ADRA1A: variants seen among roughly 807,000 people sequenced by gnomAD.
ADRA1A encodes adrenoceptor alpha 1A.
ADRA1A carries 31 observed loss-of-function variants against 29.6 expected under a neutral mutation model. The observed-to-expected ratio is 1.05, with a 90% CI of 0.79 to 1.41. The LOEUF (loss-of-function observed/expected upper bound fraction) is 1.41, where lower values mean the gene tolerates loss of function less well. Ranked by LOEUF, ADRA1A falls within the 40% of genes most tolerant of loss-of-function variation. The probability of loss-of-function intolerance (pLI) is 0.00; values close to 1 mark genes in which losing one functional copy is unlikely to be tolerated. For missense variants in ADRA1A, 619 were observed against 601.1 expected (o/e 1.03, Z -0.31); for synonymous variants, 311 against 254.3 (o/e 1.22, Z -2.12).
chr8:26,801,281 A>G (rs1475224323), intron 2 of ADRA1A, among the ~76,000 whole-genome samples: 1 of 152,176 alleles, frequency 6.6e-6, no homozygotes, highest in African/African-American at 2.4e-5. Context: ...AACTAGATCA[A>G]TCAGACAAGA....
Position 26,865,005 on chromosome 8 carries a change from A to G in ADRA1A, c.-36T>C. The G allele has an allele frequency of 6.5e-7, 1 of 1,549,400 alleles. No individual in the cohort carries two copies. The highest frequency in any genetic ancestry group is 8.7e-7 in the Non-Finnish European group (1 of 1,154,408). Reference sequence around the variant, plus strand: ...GGGGCCGGGCGAGGTCCGGCTGTCCAGGGCCACCTCCCGGGCTGGCGCGGA... The same window carrying G: ...GGGGCCGGGCGAGGTCCGGCTGTCCGGGGCCACCTCCCGGGCTGGCGCGGA... On this transcript the variant is annotated 5_prime_UTR_variant, in exon 2 of 3. Transcript: ENST00000380573. The surrounding 1 kb of genome is among the most constrained non-coding windows in gnomAD (Gnocchi z 7.6).
chr8:26,801,353 G>A (rs1404728620), intron 2 of ADRA1A, among the ~76,000 whole-genome samples: 3 of 152,202 alleles, frequency 2.0e-5, no homozygotes, highest in Non-Finnish European at 4.4e-5. Flanking sequence ...GTTTGCAGAT[G>A]ATATAATCTT....
intron 2 of ADRA1A, chr8:26,772,226 C>G (rs1203981042): frequency 6.6e-6 from 1 of 150,550 alleles, no homozygotes; most frequent in African/African-American, 2.4e-5. Context: ...AGCTACAATA[C>G]TGATAAGAGT....
chr8:26,749,873 C>T (rs1409470847), intron 2 of ADRA1A, among the ~76,000 whole-genome samples: 2 of 152,306 alleles, frequency 1.3e-5, no homozygotes, highest in African/African-American at 2.4e-5. Flanking sequence ...ACGATCAGGG[C>T]CCCCCTTCCA....
intron 2 of ADRA1A, among the ~76,000 whole-genome samples, chr8:26,835,142 A>G (rs767838564): frequency 6.6e-6 from 1 of 152,236 alleles, no homozygotes; most frequent in Non-Finnish European, 1.5e-5. Flanking sequence ...ACCCTTATCA[A>G]CTGACTGCAC....
Position 26,769,965 on chromosome 8 carries a change from G to T in ADRA1A, c.*184C>A, listed in dbSNP as rs1229952681. 1.4e-6 allele frequency: 2 copies of T among 1,391,226 alleles called. No individual in the cohort carries two copies. The highest frequency in any genetic ancestry group is 1.9e-6 in the Non-Finnish European group (2 of 1,076,986). 86.2% of individuals were successfully genotyped at this position (1,391,226 alleles called of 1,614,324 possible). A position where few individuals can be genotyped will look rare whatever the true frequency, so the allele number is the denominator to read the frequency against. On this transcript the variant is annotated 3_prime_UTR_variant, in exon 3 of 3. Transcript: ENST00000380573. ...ATCATTCTGAACTGGTTGGTTGTGAGACACCCTCCCTCTTCCCTGTGCCCT... is the reference window on the plus strand; with the variant it reads ...ATCATTCTGAACTGGTTGGTTGTGATACACCCTCCCTCTTCCCTGTGCCCT...
At chr8:26,792,200 C>G (rs1006221332) in intron 2 of ADRA1A, among the ~76,000 whole-genome samples, 2 of 152,084 alleles carry the variant, frequency 1.3e-5, no homozygotes, top group Non-Finnish European at 2.9e-5. Flanking sequence ...TGTCTCCTAT[C>G]CCACCCTCAG....
chr8:26,757,609 T>C (rs1805261157), intron 2 of ADRA1A, among the ~76,000 whole-genome samples: 1 of 151,896 alleles, frequency 6.6e-6, no homozygotes, highest in South Asian at 2.1e-4. Context: ...TTGTATGATG[T>C]GAAAGCCAGG....
At chr8:26,754,132 A>C (rs1407089758), downstream of ADRA1A, among the ~76,000 whole-genome samples, 1 of 152,222 alleles carries the variant, frequency 6.6e-6, no homozygotes, top group Non-Finnish European at 1.5e-5. Context: ...TAGAAAATTC[A>C]GAAACACTTA....
At chr8:26,798,561 G>C (rs551672909) in intron 2 of ADRA1A, among the ~76,000 whole-genome samples, 155 of 152,212 alleles carry the variant, frequency 1.0e-3, no homozygotes, top group African/African-American at 3.6e-3. Context: ...AGACAGAGAT[G>C]ATAATTCAGT....
exon 3 of ADRA1A, chr8:26,756,512 T>C: frequency 2.0e-6 from 3 of 1,524,854 alleles, no homozygotes; most frequent in Non-Finnish European, 2.6e-6. Context: ...GAAGGCTCTT[T>C]TCCTCTTTCC....
intron 2 of ADRA1A, among the ~76,000 whole-genome samples, chr8:26,808,439 T>C (rs906580452): frequency 2.0e-5 from 3 of 152,214 alleles, no homozygotes; most frequent in African/African-American, 7.2e-5. Context: ...TTGAACAGTT[T>C]TTTTAACTTA....
At chr8:26,837,807 AT>A (rs140262276) in intron 2 of ADRA1A, among the ~76,000 whole-genome samples, 26,183 of 152,202 alleles carry the variant, frequency 0.17, 2,364 homozygotes, top group South Asian at 0.31. Context: ...GTGAGCTGAC[AT>A]GTTTGGAGAA....
At chr8:26,855,315 T>C (rs1351012018) in intron 2 of ADRA1A, among the ~76,000 whole-genome samples, 3 of 152,006 alleles carry the variant, frequency 2.0e-5, no homozygotes, top group African/African-American at 7.3e-5. Flanking sequence ...AGCTACATCT[T>C]CTTGGCACAT....
downstream of ADRA1A, among the ~76,000 whole-genome samples, chr8:26,765,264 C>T (rs1373770421): frequency 6.6e-6 from 1 of 152,242 alleles, no homozygotes; most frequent in African/African-American, 2.4e-5. Flanking sequence ...GGCCAATTCT[C>T]AACCCCTCCT....
intron 2 of ADRA1A, among the ~76,000 whole-genome samples, chr8:26,834,655 GC>G (rs550001245): frequency 6.6e-6 from 1 of 152,306 alleles, no homozygotes; most frequent in South Asian, 2.1e-4. Context: ...AGAGCCATCA[GC>G]CCCTGCAGTC....
downstream of ADRA1A, among the ~76,000 whole-genome samples, chr8:26,756,231 A>G (rs1805158487): frequency 6.6e-6 from 1 of 152,242 alleles, no homozygotes; most frequent in Non-Finnish European, 1.5e-5. Flanking sequence ...AATTTTCTCC[A>G]ATTACTTCAA....
downstream of ADRA1A, among the ~76,000 whole-genome samples, chr8:26,755,695 C>G (rs1370042140): frequency 6.6e-6 from 1 of 152,180 alleles, no homozygotes; most frequent in Non-Finnish European, 1.5e-5. Context: ...CTTCACCAAG[C>G]TCCCATGGCA....
chr8:26,763,108 A>G (rs776923214), downstream of ADRA1A, among the ~76,000 whole-genome samples: 1 of 152,084 alleles, frequency 6.6e-6, no homozygotes, highest in Non-Finnish European at 1.5e-5. This position sits in a 1 kb window ranked among gnomAD's most constrained non-coding sequence, Gnocchi z 4.5. Context: ...GAGGAGAGAA[A>G]TTCTGCATCC....
Sources: allele counts gnomAD v4.1 joint callset (sites outside exome capture counted in the v4.1 genomes callset), GRCh38; gene constraint gnomAD v4.1.1; non-coding constraint Gnocchi (gnomAD v3.1); transcripts MANE v1.5; gene names NCBI Gene and HGNC (gene_info 2026-07-23, HGNC 2026-07-21).